Variants in RTN1 observed in about 807,000 individuals in gnomAD.
RTN1 encodes reticulon-1.
A neutral mutation model predicts 65.5 loss-of-function variants in RTN1; 25 were observed. The ratio of observed to expected loss-of-function variants is 0.38; its 90% CI spans 0.28 to 0.53. The LOEUF is 0.53. Among genes scored for constraint, RTN1 ranks in the 20% least tolerant of loss-of-function variants. The probability of loss-of-function intolerance (pLI) is 0.79; values close to 1 mark genes in which losing one functional copy is unlikely to be tolerated. For synonymous variants in RTN1, 471 were observed against 447.6 expected (o/e 1.05, Z -0.66); for missense variants, 983 against 1,025.4 (o/e 0.96, Z 0.57).
chr14:59,612,918 A>G (rs1881997301), intron 3 of RTN1, among the ~76,000 whole-genome samples: 3 of 152,250 alleles, frequency 2.0e-5, no homozygotes, highest in African/African-American at 4.8e-5. Flanking sequence ...TGTATAGCTC[A>G]GTAGCTACGG....
chr14:59,841,420 G>T (rs1212916515), intron 1 of RTN1, among the ~76,000 whole-genome samples: 1 of 152,200 alleles, frequency 6.6e-6, no homozygotes, highest in Non-Finnish European at 1.5e-5. Context: ...GACTCGCCAG[G>T]TGTGGTGGCT....
chr14:59,606,049 G>A (rs1044411078), intron 4 of RTN1: 2 of 148,826 alleles, frequency 1.3e-5, no homozygotes, highest in Non-Finnish European at 2.9e-5. Flanking sequence ...TTTTAATAAT[G>A]ACATTTTTCA....
At chr14:59,813,450 G>T (rs1402819786) in intron 1 of RTN1, among the ~76,000 whole-genome samples, 1 of 152,164 alleles carries the variant, frequency 6.6e-6, no homozygotes, top group Non-Finnish European at 1.5e-5. Context: ...TGATGGATGG[G>T]ATTGAAAGAT....
At chr14:59,732,152 A>G (rs1023802962) in intron 2 of RTN1, among the ~76,000 whole-genome samples, 7 of 152,236 alleles carry the variant, frequency 4.6e-5, no homozygotes, top group African/African-American at 1.7e-4. Context: ...GAAGTGAAAA[A>G]GGAAGGGGTC....
chr14:59,707,912 C>T (rs772016146), intron 3 of RTN1, among the ~76,000 whole-genome samples: 1 of 152,014 alleles, frequency 6.6e-6, no homozygotes, highest in South Asian at 2.1e-4. Context: ...TCTACTGAAA[C>T]TAAAAAAAGA....
chr14:59,843,514 GACAGGTGGATGATGTTTAAT>G (rs1887351845), intron 1 of RTN1, among the ~76,000 whole-genome samples: 1 of 152,220 alleles, frequency 6.6e-6, no homozygotes, highest in African/African-American at 2.4e-5. Flanking sequence ...GAATCAGTCT[GACAGGTGGATGATGTTTAAT>G]ACATTATAGC....
chr14:59,646,383 C>T (rs935156020), intron 3 of RTN1, among the ~76,000 whole-genome samples: 1 of 152,166 alleles, frequency 6.6e-6, no homozygotes, highest in Non-Finnish European at 1.5e-5. Flanking sequence ...ACTTGGAAAA[C>T]ATATTTCAGG....
In RTN1 at chr14:59,836,698, C is replaced by T. The variant is rs369929785; in HGVS notation, c.241+33692G>A. ...TGTTGGGGAGTAGTGAGAGAGAAGG[C>T]GGGAAACAGGGTCCTGAAGCCAGAC... On this transcript the variant is annotated intron_variant, in intron 1 of 8. Transcript: ENST00000267484. The surrounding 1 kb of genome is among the most constrained non-coding windows in gnomAD (Gnocchi z 4.9). Among the ~76,000 whole-genome samples, 7 of 152,108 alleles carry T rather than the reference C, an allele frequency of 4.6e-5. No individual in the cohort carries two copies. In the Middle Eastern group the frequency reaches 0.01, roughly 222 times the overall value.
chr14:59,736,368 A>T (rs796147159), intron 2 of RTN1, among the ~76,000 whole-genome samples: 3 of 152,210 alleles, frequency 2.0e-5, no homozygotes, highest in Non-Finnish European at 4.4e-5. Context: ...ACAGAAATAC[A>T]AACAATGATC....
intron 1 of RTN1, among the ~76,000 whole-genome samples, chr14:59,808,202 T>C (rs950689534): frequency 6.6e-6 from 1 of 152,228 alleles, no homozygotes; most frequent in East Asian, 1.9e-4. Context: ...ACATCTTCAG[T>C]GTGGAATGTG....
At chr14:59,740,101 T>G (rs550267001) in intron 2 of RTN1, among the ~76,000 whole-genome samples, 3 of 152,304 alleles carry the variant, frequency 2.0e-5, no homozygotes, top group Non-Finnish European at 4.4e-5. Flanking sequence ...CTTTGCCCTT[T>G]CACCCTTTCC....
At chr14:59,668,738 A>T (rs1174716008) in intron 3 of RTN1, among the ~76,000 whole-genome samples, 1 of 152,244 alleles carries the variant, frequency 6.6e-6, no homozygotes, top group Admixed American at 6.5e-5. Context: ...ATCTACAAAG[A>T]ATTCAAACAA....
At position 59,816,085 on chromosome 14, in the gene RTN1, C is replaced by T. The variant is rs1161365203; in HGVS notation, c.241+54305G>A. On this transcript the variant is annotated intron_variant, in intron 1 of 8. Coordinates refer to ENST00000267484, the MANE Select transcript of RTN1 (RefSeq NM_021136.3). This position sits in a 1 kb window ranked among gnomAD's most constrained non-coding sequence, Gnocchi z 4.3. ...AGTTTATTCAACATCACCAAATACA[C>T]AGAAACACAATTTCTCTCTCCCTAA... Among the ~76,000 whole-genome samples, 4 of 152,218 alleles carry T rather than the reference C, an allele frequency of 2.6e-5. No homozygotes were observed. Among genetic ancestry groups the T allele is most frequent in the African/African-American group, 9.7e-5 (4 of 41,450 alleles).
At chr14:59,855,269 T>C (rs929249334) in intron 1 of RTN1, among the ~76,000 whole-genome samples, 11 of 152,214 alleles carry the variant, frequency 7.2e-5, no homozygotes, top group African/African-American at 2.7e-4. Flanking sequence ...AGATTGGTCA[T>C]TTCTATTGTT....
chr14:59,713,276 G>A (rs1952037), intron 3 of RTN1, among the ~76,000 whole-genome samples: 60,381 of 152,052 alleles, frequency 0.4, 12,392 homozygotes, highest in Admixed American at 0.5. Flanking sequence ...GCCACTGGTG[G>A]GGGAAAGGAC....
intron 1 of RTN1, among the ~76,000 whole-genome samples, chr14:59,749,752 T>C (rs1403912846): frequency 2.3e-5 from 2 of 86,418 alleles, no homozygotes; most frequent in African/African-American, 1.1e-4. Flanking sequence ...TATCTATATG[T>C]ATATTTATAT....
intron 1 of RTN1, among the ~76,000 whole-genome samples, chr14:59,781,406 A>G (rs186268800): frequency 4.7e-4 from 72 of 152,152 alleles, no homozygotes; most frequent in African/African-American, 1.7e-3. Flanking sequence ...ATATGCATAT[A>G]TGAATGTGAA....
intron 1 of RTN1, among the ~76,000 whole-genome samples, chr14:59,863,171 T>A (rs1321465348): frequency 6.6e-6 from 1 of 151,962 alleles, no homozygotes; most frequent in Non-Finnish European, 1.5e-5. Flanking sequence ...ATCATTTACA[T>A]CATCTTGCAA....
intron 3 of RTN1, chr14:59,630,568 T>A: frequency 6.2e-7 from 1 of 1,606,232 alleles, no homozygotes; most frequent in Non-Finnish European, 8.5e-7. Flanking sequence ...CACTCAAGCG[T>A]TGGTGCCCGG....
Sources: allele counts gnomAD v4.1 joint callset (sites outside exome capture counted in the v4.1 genomes callset), GRCh38; gene constraint gnomAD v4.1.1; non-coding constraint Gnocchi (gnomAD v3.1); transcripts MANE v1.5; gene names NCBI Gene and HGNC (gene_info 2026-07-23, HGNC 2026-07-21).